Variants in GNG2 observed in about 807,000 individuals in gnomAD.
GNG2 encodes G protein subunit gamma 2, also known as guanine nucleotide-binding protein G(I)/G(S)/G(O) subunit gamma-2.
A neutral mutation model predicts 5.5 loss-of-function variants in GNG2; 5 were observed. The ratio of observed to expected loss-of-function variants is 0.91; its 90% CI spans 0.48 to 1.92. The LOEUF (loss-of-function observed/expected upper bound fraction) is 1.92. Among genes scored for constraint, GNG2 ranks in the 30% most tolerant of loss-of-function variants. The probability of loss-of-function intolerance (pLI) is 0.01; values close to 1 mark genes in which losing one functional copy is unlikely to be tolerated. For synonymous variants in GNG2, 28 were observed against 32.0 expected (o/e 0.88, Z 0.42); for missense variants, 55 against 88.4 (o/e 0.62, Z 1.52).
chr14:51,936,360 C>T (rs921134898), intron 2 of GNG2, among the ~76,000 whole-genome samples: 3 of 151,982 alleles, frequency 2.0e-5, no homozygotes, highest in Admixed American at 1.3e-4. Context: ...ACCTGGGGAC[C>T]GGTCTCAAAA....
At chr14:51,923,558 AACACACAATAC>A (rs1253690669) in intron 2 of GNG2, among the ~76,000 whole-genome samples, 1 of 81,342 alleles carries the variant, frequency 1.2e-5, no homozygotes, top group Non-Finnish European at 2.8e-5. Context: ...TATATATACA[AACACACAATAC>A]ACACACACAC....
chr14:51,880,674 C>G (rs1484425099), intron 2 of GNG2, among the ~76,000 whole-genome samples: 2 of 152,140 alleles, frequency 1.3e-5, no homozygotes, highest in South Asian at 2.1e-4. Context: ...GGGCAACAAA[C>G]TGCCCTTATT....
chr14:51,852,796 G>A (rs1002509647), intron 2 of GNG2, among the ~76,000 whole-genome samples: 3 of 152,234 alleles, frequency 2.0e-5, no homozygotes, highest in African/African-American at 7.2e-5. Context: ...CATGAGAAGT[G>A]TTTTGCATCA....
At chr14:51,850,449 T>A (rs963488481) in intron 2 of GNG2, among the ~76,000 whole-genome samples, 2 of 152,188 alleles carry the variant, frequency 1.3e-5, no homozygotes, top group African/African-American at 2.4e-5. Context: ...CAGTGAAAAT[T>A]TCTTGTCTTC....
intron 2 of GNG2, among the ~76,000 whole-genome samples, chr14:51,911,141 T>A (rs1415724796): frequency 6.6e-6 from 1 of 152,218 alleles, no homozygotes; most frequent in African/African-American, 2.4e-5. Flanking sequence ...GGGCAGGGGC[T>A]TGTCAGTACC....
chr14:51,846,362 A>G (rs1007130891), intron 2 of GNG2, among the ~76,000 whole-genome samples: 1 of 152,190 alleles, frequency 6.6e-6, no homozygotes, highest in South Asian at 2.1e-4. Flanking sequence ...ATAAACCTGG[A>G]TTAATCAATT....
At chr14:51,921,437 T>C (rs1648391106) in intron 2 of GNG2, among the ~76,000 whole-genome samples, 1 of 152,166 alleles carries the variant, frequency 6.6e-6, no homozygotes. Context: ...ATAAACAAAA[T>C]AGTGTTTGGG....
chr14:51,841,632 C>T (rs1881485881), intron 2 of GNG2: 1 of 678,966 alleles, frequency 1.5e-6, no homozygotes, highest in Admixed American at 2.2e-5. Flanking sequence ...GGAAAGAAAA[C>T]AAGCAAGCAA....
chr14:51,890,707 T>C (rs1884788427), intron 2 of GNG2, among the ~76,000 whole-genome samples: 1 of 152,234 alleles, frequency 6.6e-6, no homozygotes, highest in Admixed American at 6.5e-5. Flanking sequence ...ATTAAGAATC[T>C]ACAACACAAA....
chr14:51,856,899 A>G (rs1358411184), upstream of GNG2, among the ~76,000 whole-genome samples: 1 of 152,208 alleles, frequency 6.6e-6, no homozygotes, highest in East Asian at 1.9e-4. Flanking sequence ...GAAAATTTGC[A>G]AAATATATAT....
At chr14:51,948,963 TAC>T (rs1364070720) in intron 2 of GNG2, among the ~76,000 whole-genome samples, 1 of 151,832 alleles carries the variant, frequency 6.6e-6, no homozygotes, top group African/African-American at 2.4e-5. Flanking sequence ...CTATTAAAAA[TAC>T]AAAAAATTAG....
At chr14:51,878,011 T>G (rs760060873) in intron 2 of GNG2, 8 of 176,830 alleles carry the variant, frequency 4.5e-5, no homozygotes, top group Admixed American at 2.4e-4. Flanking sequence ...CAGATGAGGC[T>G]GATTAGGTCA....
At chr14:51,864,506 C>G (rs7152036) in intron 1 of GNG2, among the ~76,000 whole-genome samples, 1 of 151,922 alleles carries the variant, frequency 6.6e-6, no homozygotes, top group South Asian at 2.1e-4. Flanking sequence ...ATTATCCCTG[C>G]GTAAATAAAA....
Position 51,894,222 on chromosome 14 carries a change from C to T in GNG2, c.-30+16565C>T, listed in dbSNP as rs183858085. Among the ~76,000 whole-genome samples, 56 of 152,186 alleles carry T rather than the reference C, an allele frequency of 3.7e-4. 1 individual carries two copies. Among genetic ancestry groups the T allele is most frequent in the Non-Finnish European group, 6.8e-4 (46 of 67,964 alleles). ...CGGTTTCCATCTGGAAAACATGCTT[C>T]TCAATTCAAATATATCGTAGTTTTA... On this transcript the variant is annotated intron_variant, in intron 2 of 3. Transcript: ENST00000556766.
chr14:51,849,635 C>T (rs183159139), intron 2 of GNG2, among the ~76,000 whole-genome samples: 1 of 152,270 alleles, frequency 6.6e-6, no homozygotes, highest in East Asian at 1.9e-4. Flanking sequence ...TTAATGCTAC[C>T]TGACATATTT....
At chr14:51,937,335 G>C (rs1448040485) in intron 2 of GNG2, among the ~76,000 whole-genome samples, 1 of 152,132 alleles carries the variant, frequency 6.6e-6, no homozygotes, top group Admixed American at 6.5e-5. Flanking sequence ...AATGGAGCAG[G>C]ATGGTAAATC....
chr14:51,940,029 G>A (rs1390313956), intron 2 of GNG2: 1 of 152,226 alleles, frequency 6.6e-6, no homozygotes, highest in Non-Finnish European at 1.5e-5. Flanking sequence ...ATGCGTTAAA[G>A]CCCTTGGCCC....
At chr14:51,954,454 C>G (rs1889164748) in intron 3 of GNG2, among the ~76,000 whole-genome samples, 1 of 152,104 alleles carries the variant, frequency 6.6e-6, no homozygotes, top group Non-Finnish European at 1.5e-5. Context: ...GAGGAGGGAA[C>G]ATGCACAAAA....
At chr14:51,942,571 C>CTTTTTCTTTTTT (rs142157409) in intron 2 of GNG2, among the ~76,000 whole-genome samples, 1 of 55,648 alleles carries the variant, frequency 1.8e-5, no homozygotes, top group Non-Finnish European at 3.7e-5. Flanking sequence ...TTTATTTTTT[C>CTTTTTCTTTTTT]TCTTTCTTTC....
Sources: allele counts gnomAD v4.1 joint callset (sites outside exome capture counted in the v4.1 genomes callset), GRCh38; gene constraint gnomAD v4.1.1; transcripts MANE v1.5; gene names NCBI Gene and HGNC (gene_info 2026-07-23, HGNC 2026-07-21).